The following RANGAP1 variants were observed in gnomAD, a reference collection of about 807,000 sequenced individuals.
RANGAP1 encodes ran GTPase-activating protein 1.
RANGAP1 carries 38 observed loss-of-function variants against 63.5 expected under a neutral mutation model. That is an observed-to-expected ratio of 0.60 (90% CI 0.46 to 0.78). RANGAP1 has a LOEUF of 0.78. Ranked by LOEUF, RANGAP1 falls within the 30% of genes least tolerant of loss-of-function variation. The probability of loss-of-function intolerance (pLI) is 0.00; values close to 1 mark genes in which losing one functional copy is unlikely to be tolerated. For missense variants in RANGAP1, 630 were observed against 740.3 expected, an observed-to-expected ratio of 0.85 and a Z score of 1.73; for synonymous variants, 329 against 310.5, an observed-to-expected ratio of 1.06 and a Z score of -0.63.
intron 12 of RANGAP1, among the ~76,000 whole-genome samples, chr22:41,252,387 T>A (rs1157116316): frequency 6.6e-6 from 1 of 152,040 alleles, no homozygotes; most frequent in African/African-American, 2.4e-5. Flanking sequence ...TTAAATAAAA[T>A]CATGCCCAAA....
chr22:41,274,706 A>G lies in RANGAP1; in HGVS notation c.134T>C (p.Ile45Thr). 1 of 1,614,142 alleles carries G rather than the reference A, an allele frequency of 6.2e-7. No homozygotes were observed. The highest frequency in any genetic ancestry group is 8.5e-7 in the Non-Finnish European group (1 of 1,180,016). Reference protein sequence around the residue: ...AEDAKDVIKEIEDFDSLEALR... With the variant: ...AEDAKDVIKETEDFDSLEALR... ...AGCCTCCAAGCTGTCAAAGTCTTCA[A>G]TCTCTTTAATCACATCTTTAGCTGC... The change falls in exon 3 of 16, where the codon ATT becomes ACT. Residue 45 changes from isoleucine (I) to threonine (T), a missense_variant. Ile to Thr is a moderately conservative substitution (Grantham distance 89). Transcript: ENST00000356244.
At chr22:41,288,321 A>T (rs2035797284), upstream of RANGAP1, among the ~76,000 whole-genome samples, 1 of 152,114 alleles carries the variant, frequency 6.6e-6, no homozygotes, top group African/African-American at 2.4e-5. Context: ...GACAGAGTTA[A>T]CACTGTTCTT....
chr22:41,250,980 AC>A lies in RANGAP1; in HGVS notation c.1483+26del, dbSNP rs2033404630. On this transcript the variant is annotated intron_variant, in intron 13 of 15. Transcript: ENST00000356244. Reference sequence around the variant, plus strand: ...CCACGAGCATCAAGGGACAGAGGGCACCCAGGTCTCACCCAGCCCACATTAC... The same window carrying A: ...CCACGAGCATCAAGGGACAGAGGGCACCAGGTCTCACCCAGCCCACATTAC... 3 of 1,593,214 alleles carry A rather than the reference AC, an allele frequency of 1.9e-6. No individual in the cohort carries two copies. In the South Asian group the frequency reaches 3.3e-5, roughly 18 times the overall value.
the RANGAP1 span, chr22:41,301,619 G>A: frequency 6.6e-6 from 1 of 152,152 alleles, no homozygotes; most frequent in Non-Finnish European, 1.5e-5. Flanking sequence ...CGGAGCTGCC[G>A]GGGCGGCGGC....
chr22:41,259,899 G>A (rs2034064010), intron 6 of RANGAP1, among the ~76,000 whole-genome samples: 1 of 152,112 alleles, frequency 6.6e-6, no homozygotes, highest in African/African-American at 2.4e-5. Context: ...CCAGCTAATC[G>A]GGAGGCTGAG....
rs2267428 is a variant in RANGAP1 at position 41,247,393 on chromosome 22, C to T, written c.1695-721G>A. 0.017 allele frequency among the ~76,000 whole-genome samples: 2,530 copies of T among 152,078 alleles called. 534 individuals carry two copies. The East Asian group carries it at 0.43, about 26-fold the overall frequency. On this transcript the variant is annotated intron_variant, in intron 15 of 15. Coordinates refer to ENST00000356244, the MANE Select transcript of RANGAP1 (RefSeq NM_002883.4). Reference sequence around the variant, plus strand: ...TTGAGACAGGGCCTCTCTTTGTTGCCCAGGCTGGAGTACAGTCCTGGAATC... The same window carrying T: ...TTGAGACAGGGCCTCTCTTTGTTGCTCAGGCTGGAGTACAGTCCTGGAATC...
upstream of RANGAP1, among the ~76,000 whole-genome samples, chr22:41,291,040 T>A (rs1259583593): frequency 6.6e-6 from 1 of 152,242 alleles, no homozygotes; most frequent in Admixed American, 6.5e-5. Flanking sequence ...GAACCACATC[T>A]TTCTCAGGAC....
At chr22:41,295,136 C>CGG in the RANGAP1 span, among the ~76,000 whole-genome samples, 3 of 136,152 alleles carry the variant, frequency 2.2e-5, no homozygotes, top group Non-Finnish European at 4.4e-5. Flanking sequence ...CGCCTCTGCC[C>CGG]GGCCGCCCCT....
chr22:41,265,316 G>C (rs1043747629), intron 4 of RANGAP1, among the ~76,000 whole-genome samples: 1 of 152,214 alleles, frequency 6.6e-6, no homozygotes, highest in East Asian at 1.9e-4. Flanking sequence ...CTCAGCCTGA[G>C]AGCAGTGGGC....
chr22:41,252,839 C>T (rs771988112), intron 12 of RANGAP1, 33 bp downstream of exon 12: 27 of 1,534,112 alleles, frequency 1.8e-5, no homozygotes, highest in South Asian at 6.1e-5. Context: ...AGCCACAGCA[C>T]GTACAGCGTG....
chr22:41,277,516 G>A, intron 2 of RANGAP1: 1 of 1,195,838 alleles, frequency 8.4e-7, no homozygotes, highest in Non-Finnish European at 1.1e-6. Flanking sequence ...GGATGGAGTA[G>A]GGTGACATGT....
At chr22:41,295,508 C>A in the RANGAP1 span, among the ~76,000 whole-genome samples, 4 of 151,618 alleles carry the variant, frequency 2.6e-5, no homozygotes, top group African/African-American at 9.7e-5. Context: ...CAGCATGCTC[C>A]TTAAGAGTCA....
chr22:41,263,398 T>G lies in RANGAP1; in HGVS notation c.480+1266A>C, dbSNP rs57222325. ...TGTTTGTTTGTTTGTTTGTTTGTTT[T>G]TTTGAGACGGAGTTTTGCTCTTGTT... On this transcript the variant is annotated intron_variant, in intron 5 of 15. Transcript: ENST00000356244. Among the ~76,000 whole-genome samples, 596 of 152,252 alleles carry G rather than the reference T, an allele frequency of 3.9e-3. 4 individuals carry two copies. Among genetic ancestry groups the G allele is most frequent in the African/African-American group, 0.012 (503 of 41,526 alleles).
chr22:41,254,185 TCA>T, intron 11 of RANGAP1, 121 bp downstream of exon 11: 4 of 964,936 alleles, frequency 4.1e-6, no homozygotes, highest in Admixed American at 2.7e-5. Flanking sequence ...TATCATGCAA[TCA>T]AAAAAAAATG....
At position 41,254,404 on chromosome 22, in the gene RANGAP1, T is replaced by C. The variant is rs1408509164; in HGVS notation, c.1164A>G (p.Glu388=). Residue 388 remains glutamate, a synonymous_variant, in exon 11 of 16, where the codon GAA becomes GAG. Transcript: ENST00000356244. ...CTTCTTCCTCCTCCTCCTCCTCTTC[T>C]TCCTCCTCTTCCTCATCTTCCTCCT... ...EEEEEDEEEE[E]EEEEEEEEEP... 2.1e-5 allele frequency: 34 copies of C among 1,611,730 alleles called. No individual in the cohort carries two copies. Among genetic ancestry groups the C allele is most frequent in the Non-Finnish European group, 2.8e-5 (33 of 1,178,322 alleles).
At chr22:41,276,855 T>C (rs1033403880) in intron 2 of RANGAP1, among the ~76,000 whole-genome samples, 2 of 151,228 alleles carry the variant, frequency 1.3e-5, no homozygotes, top group African/African-American at 4.8e-5. Context: ...TGGTAGCGCA[T>C]GCCTGTAATC....
chr22:41,267,889 G>T (rs2034574850), intron 4 of RANGAP1, among the ~76,000 whole-genome samples: 1 of 152,108 alleles, frequency 6.6e-6, no homozygotes, highest in South Asian at 2.1e-4. Flanking sequence ...CCACCCTTAG[G>T]GTTCCTCCCC....
chr22:41,268,255 G>T, intron 3 of RANGAP1, 99 bp from the exon 4 acceptor site: 2 of 1,055,672 alleles, frequency 1.9e-6, no homozygotes. Context: ...AGCATCACAA[G>T]ACTTTTTTCT....
upstream of RANGAP1, among the ~76,000 whole-genome samples, chr22:41,290,752 A>C (rs1215787298): frequency 6.6e-6 from 1 of 152,234 alleles, no homozygotes; most frequent in Non-Finnish European, 1.5e-5. Context: ...AAACGAACTT[A>C]ATTGCCAATT....
Sources: allele counts gnomAD v4.1 joint callset (sites outside exome capture counted in the v4.1 genomes callset), GRCh38; gene constraint gnomAD v4.1.1; transcripts MANE v1.5; gene names NCBI Gene and HGNC (gene_info 2026-07-23, HGNC 2026-07-21).